Variants in PARD3B observed in about 807,000 individuals in gnomAD.
The protein encoded by PARD3B is partitioning defective 3 homolog B.
Under a neutral mutation model 130.2 loss-of-function variants are expected in PARD3B, and 103 were observed. The observed-to-expected ratio is 0.79, with a 90% CI of 0.67 to 0.93. PARD3B has a LOEUF of 0.93. PARD3B is among the 40% of genes least tolerant of loss of function. The pLI is 0.00. For missense variants in PARD3B, 1,609 were observed against 1,499.2 expected (o/e 1.07, Z -1.21); for synonymous variants, 583 against 553.2 (o/e 1.05, Z -0.76).
intron 2 of PARD3B, among the ~76,000 whole-genome samples, chr2:204,842,798 C>T (rs2125590497): frequency 6.6e-6 from 1 of 152,230 alleles, no homozygotes; most frequent in Admixed American, 6.5e-5. Flanking sequence ...CTGTGGGCTG[C>T]TTTTCTGCTT....
rs535629606 is a variant in PARD3B, at chr2:204,761,734, G to C, written c.222+75452G>C. On this transcript the variant is annotated intron_variant, in intron 2 of 22. Transcript: ENST00000406610. ...AGCTTACGTCTTTGAATGTTCATCTGGATTTTATGTTAAGAGAAGAAATTT... is the reference window on the plus strand; with the variant it reads ...AGCTTACGTCTTTGAATGTTCATCTCGATTTTATGTTAAGAGAAGAAATTT... 7.2e-5 allele frequency among the ~76,000 whole-genome samples: 11 copies of C among 152,136 alleles called. No individual in the cohort carries two copies. In the South Asian group the frequency reaches 2.3e-3, roughly 32 times the overall value.
At chr2:205,383,083 CATAGATAGATAG>C (rs59376156) in intron 18 of PARD3B, among the ~76,000 whole-genome samples, 4,906 of 78,550 alleles carry the variant, frequency 0.062, 119 homozygotes, top group African/African-American at 0.076. Context: ...GGAAAGTTTA[CATAGATAGATAG>C]ATAGATAGAT....
intron 2 of PARD3B, among the ~76,000 whole-genome samples, chr2:204,852,027 GA>G (rs1188315629): frequency 6.6e-6 from 1 of 152,148 alleles, no homozygotes; most frequent in East Asian, 1.9e-4. Context: ...TTTGATTGAT[GA>G]AAAAGTTTGG....
At chr2:205,185,304 T>C (rs1574321047) in intron 13 of PARD3B, among the ~76,000 whole-genome samples, 1 of 152,130 alleles carries the variant, frequency 6.6e-6, no homozygotes, top group East Asian at 1.9e-4. Flanking sequence ...TATGTCTAAA[T>C]GGTGGACAGA....
At chr2:205,601,123 T>C (rs1338516963) in intron 22 of PARD3B, among the ~76,000 whole-genome samples, 2 of 152,244 alleles carry the variant, frequency 1.3e-5, no homozygotes, top group East Asian at 1.9e-4. Context: ...CCAACAACAG[T>C]GTGAAAACGT....
intron 20 of PARD3B, among the ~76,000 whole-genome samples, chr2:205,489,500 T>TATGTATACGTATATATACAC (rs2049587755): frequency 7.2e-6 from 1 of 139,404 alleles, no homozygotes; most frequent in Admixed American, 7.4e-5. Flanking sequence ...TATGTGTGTA[T>TATGTATACGTATATATACAC]ATATATATAC....
chr2:205,418,381 T>C (rs2046854353), intron 19 of PARD3B, among the ~76,000 whole-genome samples: 1 of 152,178 alleles, frequency 6.6e-6, no homozygotes, highest in African/African-American at 2.4e-5. Context: ...AATGGCAAGA[T>C]GCGTAAAACA....
At chr2:205,478,259 C>A (rs908498356) in intron 20 of PARD3B, among the ~76,000 whole-genome samples, 2 of 152,142 alleles carry the variant, frequency 1.3e-5, no homozygotes, top group African/African-American at 4.8e-5. Flanking sequence ...CTAGGGGCGC[C>A]CCCATTACCC....
intron 20 of PARD3B, among the ~76,000 whole-genome samples, chr2:205,483,839 A>T (rs1009696524): frequency 6.6e-6 from 1 of 152,116 alleles, no homozygotes; most frequent in Non-Finnish European, 1.5e-5. Context: ...GGAAGCTTCT[A>T]GCTAGGGGGC....
intron 16 of PARD3B, among the ~76,000 whole-genome samples, chr2:205,284,190 G>C (rs567517908): frequency 2.0e-5 from 3 of 152,252 alleles, no homozygotes; most frequent in Admixed American, 6.5e-5. Context: ...AAAGAAAATC[G>C]TTCCATCTTG....
Position 205,125,636 on chromosome 2 carries a change from A to G in PARD3B, c.1333A>G (p.Thr445Ala), listed in dbSNP as rs767186465. ...EVNGRDVTGR[T>A]QEELVAMLRS... Reference sequence around the variant, plus strand: ...AAATGGGAGAGATGTCACCGGACGAACCCAGGAAGAGCTTGTGGCCATGCT... The same window carrying G: ...AAATGGGAGAGATGTCACCGGACGAGCCCAGGAAGAGCTTGTGGCCATGCT... The change falls in exon 10 of 23, where the codon ACC becomes GCC. Residue 445 changes from threonine (T) to alanine (A), a missense_variant. Coordinates refer to ENST00000406610, the MANE Select transcript of PARD3B (RefSeq NM_001302769.2). This position sits in a 1 kb window ranked among gnomAD's most constrained non-coding sequence, Gnocchi z 4.0. 9 of 1,613,922 alleles carry G rather than the reference A, an allele frequency of 5.6e-6. No homozygotes were observed. The East Asian group carries it at 2.0e-4, about 36-fold the overall frequency.
intron 2 of PARD3B, among the ~76,000 whole-genome samples, chr2:204,934,518 T>C (rs13421467): frequency 0.087 from 13,177 of 152,218 alleles, 835 homozygotes; most frequent in African/African-American, 0.18. Context: ...TCAATTACAC[T>C]CAGTGACGTG....
Position 205,292,270 on chromosome 2 carries a change from TCA to T in PARD3B, c.2186-8257_2186-8256del, listed in dbSNP as rs372074521. 1.0e-3 allele frequency among the ~76,000 whole-genome samples: 156 copies of T among 152,038 alleles called. 1 individual carries two copies. The highest frequency in any genetic ancestry group is 3.6e-3 in the African/African-American group (150 of 41,452). On this transcript the variant is annotated intron_variant, in intron 16 of 22. Transcript: ENST00000406610. The surrounding 1 kb of genome is among the most constrained non-coding windows in gnomAD (Gnocchi z 5.3). ...ATTAGTTTCCTTATAAAAAAAAGAC[TCA>T]CAGAGAGTTCCCTTGACCCTTCCAC...
intron 19 of PARD3B, 50 bp downstream of exon 19, chr2:205,401,173 T>G: frequency 7.1e-7 from 1 of 1,417,212 alleles, no homozygotes; most frequent in South Asian, 1.2e-5. Flanking sequence ...ATGGTCTGGG[T>G]TTAATTTAGA....
intron 2 of PARD3B, among the ~76,000 whole-genome samples, chr2:204,880,953 G>GA (rs1158177177): frequency 2.0e-5 from 3 of 152,070 alleles, no homozygotes; most frequent in Non-Finnish European, 4.4e-5. Flanking sequence ...ATTTCATTAA[G>GA]AAAAAATCAG....
chr2:205,079,311 A>G (rs961345833), intron 4 of PARD3B, among the ~76,000 whole-genome samples: 3 of 152,212 alleles, frequency 2.0e-5, no homozygotes, highest in African/African-American at 4.8e-5. Flanking sequence ...ATAGCAAAAT[A>G]CCCGAGACTA....
At chr2:205,377,960 G>A (rs537213839) in intron 18 of PARD3B, among the ~76,000 whole-genome samples, 10 of 152,020 alleles carry the variant, frequency 6.6e-5, no homozygotes, top group Non-Finnish European at 1.5e-4. Context: ...TAGTAGAGAC[G>A]TGGTTTCACC....
chr2:205,313,542 T>C (rs1232415656), intron 18 of PARD3B, among the ~76,000 whole-genome samples: 1 of 152,212 alleles, frequency 6.6e-6, no homozygotes, highest in Non-Finnish European at 1.5e-5. Context: ...TGTTTACGGC[T>C]GTCCAAAGCG....
At chr2:204,641,306 A>G (rs944794107) in intron 1 of PARD3B, among the ~76,000 whole-genome samples, 1 of 151,588 alleles carries the variant, frequency 6.6e-6, no homozygotes, top group African/African-American at 2.4e-5. Context: ...GACTCATACA[A>G]TTTAGTGAAA....
Sources: allele counts gnomAD v4.1 joint callset (sites outside exome capture counted in the v4.1 genomes callset), GRCh38; gene constraint gnomAD v4.1.1; non-coding constraint Gnocchi (gnomAD v3.1); transcripts MANE v1.5; gene names NCBI Gene and HGNC (gene_info 2026-07-23, HGNC 2026-07-21).